The following CSMD1 variants were observed in gnomAD, a reference collection of about 807,000 sequenced individuals.
The protein encoded by CSMD1 is CUB and sushi domain-containing protein 1.
In CSMD1, 213 loss-of-function variants were observed where a neutral mutation model predicts 417.5. The observed-to-expected ratio is 0.51, with a 90% CI of 0.46 to 0.57. The LOEUF is 0.57. Ranked by LOEUF, CSMD1 falls within the 20% of genes least tolerant of loss-of-function variation. The pLI is 0.00. For missense variants in CSMD1, 6,923 were observed against 4,529.7 expected, an observed-to-expected ratio of 1.53 and a Z score of -15.17; for synonymous variants, 2,862 against 1,736.8, an observed-to-expected ratio of 1.65 and a Z score of -16.11.
At chr8:4,161,902 C>T (rs542169445) in intron 3 of CSMD1, among the ~76,000 whole-genome samples, 5 of 152,234 alleles carry the variant, frequency 3.3e-5, no homozygotes, top group Admixed American at 6.5e-5. Context: ...TAAGTCAAGA[C>T]TTCATCAGTT....
At chr8:4,007,654 C>G (rs186178809) in intron 4 of CSMD1, among the ~76,000 whole-genome samples, 2 of 151,982 alleles carry the variant, frequency 1.3e-5, no homozygotes, top group African/African-American at 2.4e-5. Context: ...AGGAGGCGGC[C>G]TGATAGAAGT....
intron 3 of CSMD1, among the ~76,000 whole-genome samples, chr8:4,213,066 G>C (rs977257084): frequency 5.9e-5 from 9 of 152,102 alleles, no homozygotes; most frequent in African/African-American, 1.9e-4. Context: ...GTCACTTTGA[G>C]CTAATGTCTA....
At chr8:3,476,385 T>C (rs1291857353) in intron 11 of CSMD1, among the ~76,000 whole-genome samples, 1 of 152,226 alleles carries the variant, frequency 6.6e-6, no homozygotes, top group African/African-American at 2.4e-5. Context: ...TGTTTCTATT[T>C]TGGCAATTAT....
At chr8:4,517,801 T>G (rs1272816061) in intron 2 of CSMD1, among the ~76,000 whole-genome samples, 1 of 152,238 alleles carries the variant, frequency 6.6e-6, no homozygotes, top group East Asian at 1.9e-4. Context: ...ATAAAAAATC[T>G]ACTTTAAACA....
chr8:4,194,945 C>A (rs776582462), intron 3 of CSMD1, among the ~76,000 whole-genome samples: 1 of 151,654 alleles, frequency 6.6e-6, no homozygotes, highest in South Asian at 2.1e-4. Context: ...GATTAGTCCC[C>A]GGGTGAAAAT....
chr8:4,208,259 G>A (rs575774008), intron 3 of CSMD1, among the ~76,000 whole-genome samples: 5 of 152,104 alleles, frequency 3.3e-5, no homozygotes, highest in South Asian at 2.1e-4. Context: ...TGCCTTCTCG[G>A]TCAAATACAC....
intron 22 of CSMD1, among the ~76,000 whole-genome samples, chr8:3,345,259 C>T (rs564103670): frequency 8.5e-5 from 13 of 152,120 alleles, no homozygotes; most frequent in Non-Finnish European, 1.8e-4. Context: ...AGAGATTGCA[C>T]CTTGCTCCCA....
chr8:3,823,698 C>G (rs578168920), intron 5 of CSMD1, among the ~76,000 whole-genome samples: 1 of 152,094 alleles, frequency 6.6e-6, no homozygotes, highest in East Asian at 1.9e-4. Context: ...ATGTTTGAAC[C>G]ATTTAACTTA....
intron 5 of CSMD1, among the ~76,000 whole-genome samples, chr8:3,877,631 A>G (rs1354611187): frequency 6.6e-6 from 1 of 152,048 alleles, no homozygotes; most frequent in Non-Finnish European, 1.5e-5. Flanking sequence ...CAGTTCATCT[A>G]CTCCTTACAG....
At chr8:3,868,735 C>T (rs901076302) in intron 5 of CSMD1, among the ~76,000 whole-genome samples, 1 of 152,192 alleles carries the variant, frequency 6.6e-6, no homozygotes, top group Non-Finnish European at 1.5e-5. Flanking sequence ...TGACCCTCTG[C>T]TCTCTCAACC....
At chr8:3,659,823 A>G (rs180993393) in intron 7 of CSMD1, among the ~76,000 whole-genome samples, 27 of 152,314 alleles carry the variant, frequency 1.8e-4, no homozygotes, top group African/African-American at 6.5e-4. Context: ...TCGGCATAAA[A>G]TGACATTCCC....
At chr8:4,753,983 G>A (rs1489542410) in intron 1 of CSMD1, among the ~76,000 whole-genome samples, 1 of 152,194 alleles carries the variant, frequency 6.6e-6, no homozygotes, top group Non-Finnish European at 1.5e-5. Context: ...TCAAATACAG[G>A]AAGAGTAAAA....
At chr8:4,008,423 T>A (rs1394969799) in intron 4 of CSMD1, among the ~76,000 whole-genome samples, 7 of 151,594 alleles carry the variant, frequency 4.6e-5, no homozygotes, top group Non-Finnish European at 8.8e-5. Flanking sequence ...AATTTTTTTT[T>A]ATTTGGAATC....
intron 7 of CSMD1, among the ~76,000 whole-genome samples, chr8:3,681,375 A>G (rs1189515155): frequency 1.2e-4 from 19 of 152,172 alleles, no homozygotes; most frequent in East Asian, 9.6e-4. Context: ...AAAAATCACA[A>G]GCATTCTTAT....
At chr8:3,285,908 G>A (rs142544348) in intron 25 of CSMD1, among the ~76,000 whole-genome samples, 5,708 of 151,978 alleles carry the variant, frequency 0.038, 173 homozygotes, top group Admixed American at 0.089. Flanking sequence ...GTGTATACAT[G>A]TGCCATGTTG....
At chr8:4,422,753 C>G (rs915945011) in intron 2 of CSMD1, among the ~76,000 whole-genome samples, 3 of 152,048 alleles carry the variant, frequency 2.0e-5, no homozygotes, top group African/African-American at 7.2e-5. Flanking sequence ...AAAATAATGT[C>G]TCTCATGCAT....
chr8:3,287,636 T>C (rs1188719853), intron 25 of CSMD1, among the ~76,000 whole-genome samples: 2 of 152,176 alleles, frequency 1.3e-5, no homozygotes, highest in Admixed American at 1.3e-4. Context: ...TGCTTGTGAT[T>C]TTTGCACATT....
chr8:3,600,749 C>T (rs1012799915), intron 8 of CSMD1, among the ~76,000 whole-genome samples: 4 of 152,172 alleles, frequency 2.6e-5, no homozygotes, highest in African/African-American at 9.6e-5. Flanking sequence ...CCCACTCTAT[C>T]ACAGGATTCA....
intron 26 of CSMD1, among the ~76,000 whole-genome samples, chr8:3,243,458 A>C (rs1016030649): frequency 2.2e-5 from 3 of 136,780 alleles, no homozygotes; most frequent in Non-Finnish European, 4.7e-5. Context: ...AAGGAAAATT[A>C]CAGTCAAAGG....
Sources: gnomAD v4.1 joint callset for allele counts (sites outside exome capture counted in the v4.1 genomes callset) on GRCh38, gnomAD v4.1.1 for gene constraint, MANE v1.5 for transcripts, NCBI Gene and HGNC (gene_info 2026-07-23, HGNC 2026-07-21) for gene names.